Variants in ROBO1 observed in about 807,000 individuals in gnomAD.
The protein encoded by ROBO1 is roundabout guidance receptor 1.
In ROBO1, 149 loss-of-function variants were observed where a neutral mutation model predicts 195.9. The ratio of observed to expected loss-of-function variants is 0.76; its 90% CI spans 0.67 to 0.87. The LOEUF is 0.87. ROBO1 is among the 40% of genes least tolerant of loss of function. ROBO1 has a pLI of 0.00. For missense variants in ROBO1, 1,933 were observed against 2,068.3 expected, an observed-to-expected ratio of 0.93 and a Z score of 1.27; for synonymous variants, 816 against 733.2, an observed-to-expected ratio of 1.11 and a Z score of -1.82.
At chr3:79,672,356 A>G (rs1183527117) in intron 1 of ROBO1, among the ~76,000 whole-genome samples, 2 of 143,490 alleles carry the variant, frequency 1.4e-5, no homozygotes, top group South Asian at 2.2e-4. Context: ...ATCTTTGAAG[A>G]CAGTTAAATT....
At chr3:79,152,003 C>G (rs955573942) in intron 2 of ROBO1, among the ~76,000 whole-genome samples, 1 of 151,694 alleles carries the variant, frequency 6.6e-6, no homozygotes, top group African/African-American at 2.4e-5. Context: ...AATCTGAACT[C>G]ACGTTGTACA....
chr3:79,072,324 A>G (rs952680733), intron 3 of ROBO1, among the ~76,000 whole-genome samples: 1 of 151,932 alleles, frequency 6.6e-6, no homozygotes, highest in African/African-American at 2.4e-5. Flanking sequence ...TTGGCACACA[A>G]GTTTTAAAAA....
chr3:79,249,354 G>A (rs2082679392), intron 2 of ROBO1, among the ~76,000 whole-genome samples: 1 of 152,116 alleles, frequency 6.6e-6, no homozygotes, highest in Admixed American at 6.5e-5. Flanking sequence ...ACTTAATTAT[G>A]AACGCCTTAC....
At chr3:79,048,304 T>C (rs1296465121) in intron 3 of ROBO1, among the ~76,000 whole-genome samples, 1 of 152,156 alleles carries the variant, frequency 6.6e-6, no homozygotes, top group Non-Finnish European at 1.5e-5. Context: ...CCTTATGCTT[T>C]AGATTTTTAA....
chr3:78,942,040 C>A (rs1362476513), intron 3 of ROBO1, among the ~76,000 whole-genome samples: 1 of 152,094 alleles, frequency 6.6e-6, no homozygotes, highest in Non-Finnish European at 1.5e-5. Flanking sequence ...GTGGCTCATG[C>A]CTGTAATTCC....
intron 1 of ROBO1, among the ~76,000 whole-genome samples, chr3:79,604,473 G>A (rs1944426098): frequency 6.6e-6 from 1 of 152,006 alleles, no homozygotes; most frequent in African/African-American, 2.4e-5. Flanking sequence ...TAGGCACTTG[G>A]TTCTTTGTTA....
intron 1 of ROBO1, among the ~76,000 whole-genome samples, chr3:79,704,588 G>C (rs1159251354): frequency 6.6e-6 from 1 of 151,890 alleles, no homozygotes; most frequent in Non-Finnish European, 1.5e-5. Flanking sequence ...TTCATTTGCT[G>C]AAAGATCCTT....
chr3:79,381,086 C>A (rs1223750124), intron 2 of ROBO1, among the ~76,000 whole-genome samples: 1 of 152,030 alleles, frequency 6.6e-6, no homozygotes, highest in Non-Finnish European at 1.5e-5. Flanking sequence ...CGGCTGGGCG[C>A]GGTGGCTCAC....
chr3:79,369,035 A>G (rs1005591479), intron 2 of ROBO1, among the ~76,000 whole-genome samples: 1 of 152,230 alleles, frequency 6.6e-6, no homozygotes, highest in Admixed American at 6.5e-5. Context: ...ACCTTCAACT[A>G]TCCTGTCAGT....
chr3:79,128,795 TAA>T lies in ROBO1; in HGVS notation c.89-3258_89-3257del, dbSNP rs1313297123. Reference sequence around the variant, plus strand: ...GGGTGATCAATTCCAATTTTATAATTAAGTCTTGTTTTTTAAATTTGTTTTAA... The same window carrying T: ...GGGTGATCAATTCCAATTTTATAATTGTCTTGTTTTTTAAATTTGTTTTAA... On this transcript the variant is annotated intron_variant, in intron 2 of 30. Coordinates refer to ENST00000464233, the MANE Select transcript of ROBO1 (RefSeq NM_002941.4). Among the ~76,000 whole-genome samples, 3 of 152,274 alleles carry T rather than the reference TAA, an allele frequency of 2.0e-5. No homozygotes were observed. The East Asian group carries it at 5.8e-4, about 29-fold the overall frequency.
At chr3:79,139,068 T>C (rs1309289630) in intron 2 of ROBO1, among the ~76,000 whole-genome samples, 1 of 151,766 alleles carries the variant, frequency 6.6e-6, no homozygotes, top group Non-Finnish European at 1.5e-5. Flanking sequence ...TACATCTAGC[T>C]ACACCAGACT....
At chr3:78,720,744 C>T (rs867997193) in intron 5 of ROBO1, among the ~76,000 whole-genome samples, 1 of 152,122 alleles carries the variant, frequency 6.6e-6, no homozygotes, top group Middle Eastern at 3.2e-3. Context: ...CATATATACA[C>T]CATGGAATAC....
intron 4 of ROBO1, among the ~76,000 whole-genome samples, chr3:78,856,293 G>GAA (rs1237662391): frequency 2.3e-3 from 179 of 76,604 alleles, no homozygotes; most frequent in African/African-American, 5.4e-3. Flanking sequence ...GCAAAAAAAA[G>GAA]AAAAAAAAAA....
At chr3:79,594,154 G>A (rs1025834577) in intron 1 of ROBO1, among the ~76,000 whole-genome samples, 9 of 151,806 alleles carry the variant, frequency 5.9e-5, no homozygotes, top group South Asian at 2.1e-4. Context: ...AGGATATAAC[G>A]TTATTAGCAA....
intron 2 of ROBO1, among the ~76,000 whole-genome samples, chr3:79,435,545 T>C (rs1007518840): frequency 4.6e-5 from 7 of 152,188 alleles, no homozygotes; most frequent in Non-Finnish European, 1.0e-4. Flanking sequence ...GAGCAATTTC[T>C]ATAGCATTTT....
In ROBO1 at chr3:78,746,773, A is replaced by C; in HGVS notation, c.627T>G (p.Ser209=). Residue 209 remains serine, a synonymous_variant, in exon 5 of 31, where the codon TCT becomes TCG. Coordinates refer to ENST00000464233, the MANE Select transcript of ROBO1 (RefSeq NM_002941.4). The stretch of plus-strand genomic sequence containing the variant: ...TTCTTTCATCTTTATCATCCAGTGG[A>C]GAGCCATCTTTCTTCCATGAAATGG... ...EPTISWKKDG[S]PLDDKDERIT... is the part of the protein sequence containing the mutation. The C allele has an allele frequency of 6.4e-7, 1 of 1,573,354 alleles. No homozygotes were observed. Among genetic ancestry groups the C allele is most frequent in the Non-Finnish European group, 8.7e-7 (1 of 1,153,524 alleles).
chr3:79,409,628 T>C (rs2037686297), intron 2 of ROBO1, among the ~76,000 whole-genome samples: 1 of 152,126 alleles, frequency 6.6e-6, no homozygotes, highest in Non-Finnish European at 1.5e-5. Flanking sequence ...CTGAAACTCT[T>C]CACTGCAAAG....
chr3:79,073,161 G>C (rs985836779), intron 3 of ROBO1, among the ~76,000 whole-genome samples: 3 of 151,916 alleles, frequency 2.0e-5, no homozygotes, highest in African/African-American at 4.8e-5. Flanking sequence ...AGTTTTGTTT[G>C]TTATAAAGGA....
chr3:78,806,257 C>T (rs566509779), intron 4 of ROBO1, among the ~76,000 whole-genome samples: 1 of 152,200 alleles, frequency 6.6e-6, no homozygotes, highest in East Asian at 1.9e-4. Flanking sequence ...TATAGGCATG[C>T]ACCACCTTGC....
Sources: gnomAD v4.1 joint callset for allele counts (sites outside exome capture counted in the v4.1 genomes callset) on GRCh38, gnomAD v4.1.1 for gene constraint, MANE v1.5 for transcripts, NCBI Gene and HGNC (gene_info 2026-07-23, HGNC 2026-07-21) for gene names.